IFI16: variants seen among roughly 807,000 people sequenced by gnomAD.
IFI16 encodes the protein interferon gamma inducible protein 16, also known as gamma-interferon-inducible protein 16.
In IFI16, 49 loss-of-function variants were observed where a neutral mutation model predicts 68.4. That is an observed-to-expected ratio of 0.72 (90% CI 0.57 to 0.91). The LOEUF is 0.91. Ranked by LOEUF, IFI16 falls within the 40% of genes least tolerant of loss-of-function variation. The pLI, the probability that IFI16 is intolerant of heterozygous loss-of-function variation, is 0.00. For missense variants in IFI16, 878 were observed against 942.9 expected (o/e 0.93, Z 0.90); for synonymous variants, 307 against 315.0 (o/e 0.97, Z 0.27).
At chr1:159,052,185 TACTC>T (rs1323742911) in intron 10 of IFI16, 87 bp downstream of exon 10, 2 of 1,042,882 alleles carry the variant, frequency 1.9e-6, no homozygotes, top group African/African-American at 3.2e-5. Flanking sequence ...TTGGTCAACT[TACTC>T]AACACAGAAA....
chr1:159,013,083 A>G (rs1203270262), intron 1 of IFI16, among the ~76,000 whole-genome samples: 3 of 150,428 alleles, frequency 2.0e-5, no homozygotes, highest in Non-Finnish European at 4.4e-5. Flanking sequence ...TTTCACTATA[A>G]TGTGTTTTTG....
intron 1 of IFI16, among the ~76,000 whole-genome samples, chr1:159,013,232 G>A (rs12728586): frequency 0.11 from 13,946 of 126,554 alleles, 753 homozygotes; most frequent in Middle Eastern, 0.2. Flanking sequence ...GTAGTGGCAC[G>A]ATCTCCGCTC....
chr1:159,025,163 C>T (rs761849547), intron 6 of IFI16, among the ~76,000 whole-genome samples: 1 of 152,144 alleles, frequency 6.6e-6, no homozygotes, highest in Non-Finnish European at 1.5e-5. Flanking sequence ...GGGCTTGAAG[C>T]CCCATGGTGA....
At chr1:159,050,179 G>T (rs961971305) in intron 9 of IFI16, among the ~76,000 whole-genome samples, 6 of 152,050 alleles carry the variant, frequency 3.9e-5, no homozygotes, top group African/African-American at 1.4e-4. Context: ...ATCGTGAACT[G>T]CCATGCAATC....
intron 1 of IFI16, among the ~76,000 whole-genome samples, chr1:159,010,915 G>A (rs970507500): frequency 6.6e-6 from 1 of 152,006 alleles, no homozygotes; most frequent in Admixed American, 6.6e-5. Flanking sequence ...TCTATAGCCT[G>A]GTACAATATT....
chr1:159,021,645 A>C (rs989567152), intron 6 of IFI16, among the ~76,000 whole-genome samples: 1 of 151,832 alleles, frequency 6.6e-6, no homozygotes, highest in African/African-American at 2.4e-5. Context: ...ATCAAATGGT[A>C]GATCTGCTTT....
intron 6 of IFI16, among the ~76,000 whole-genome samples, chr1:159,031,495 G>A (rs1220316737): frequency 6.6e-6 from 1 of 152,194 alleles, no homozygotes; most frequent in Non-Finnish European, 1.5e-5. Flanking sequence ...GGGACTGAGA[G>A]AGCCCATAGG....
chr1:159,052,878 C>T (rs1372472620), intron 10 of IFI16: 1 of 152,124 alleles, frequency 6.6e-6, no homozygotes, highest in Non-Finnish European at 1.5e-5. Flanking sequence ...CTGTTTCATA[C>T]TCCATTATAC....
At chr1:159,047,059 C>T (rs1347982005) in intron 8 of IFI16, among the ~76,000 whole-genome samples, 1 of 150,040 alleles carries the variant, frequency 6.7e-6, no homozygotes, top group Non-Finnish European at 1.5e-5. Flanking sequence ...ACACCCAAGA[C>T]GAATGGGCAG....
upstream of IFI16, among the ~76,000 whole-genome samples, chr1:159,003,329 T>C (rs141398042): frequency 4.6e-4 from 70 of 152,384 alleles, no homozygotes; most frequent in South Asian, 3.1e-3. Context: ...TCCAGTTATC[T>C]ATTTAGACAA....
At chr1:159,017,085 C>T (rs926455280) in intron 4 of IFI16, among the ~76,000 whole-genome samples, 2 of 152,180 alleles carry the variant, frequency 1.3e-5, no homozygotes, top group Non-Finnish European at 2.9e-5. Context: ...AGCTCTTTTT[C>T]TTGTAGATTA....
In IFI16 at chr1:159,000,134, C is replaced by G. The variant is rs189129420; in HGVS notation, c.-441C>G. ...CTTCTGAAAAATACGGTCTTCCTCA[C>G]TGCAGACACCATGCCAGCGTTTTAA... On this transcript the variant is annotated 5_prime_UTR_variant, in exon 1 of 3. Transcript: ENST00000566111. 1.9e-3 allele frequency: 341 copies of G among 175,204 alleles called. 2 individuals are homozygous for G. The highest frequency in any genetic ancestry group is 7.8e-3 in the African/African-American group (329 of 42,046). The allele number at this position is 175,204 out of a possible 1,614,324, so 10.9% of individuals were successfully genotyped here. A position where few individuals can be genotyped will look rare whatever the true frequency, so the allele number is the denominator to read the frequency against.
Position 159,051,979 on chromosome 1 carries a change from G to A in IFI16, c.1966G>A (p.Asp656Asn), listed in dbSNP as rs776062799. The change falls in exon 10 of 12, where the codon GAC becomes AAC. Residue 656 changes from aspartate (D) to asparagine (N), a missense_variant. Asp to Asn is a conservative substitution (Grantham distance 23, BLOSUM62 1). This residue lies in a region of IFI16 where 311 missense variants were observed against 305.1 expected (regional missense o/e 1.02). Coordinates refer to ENST00000295809, the MANE Select transcript of IFI16 (RefSeq NM_001376587.1). Reference protein sequence around the residue: ...PFTLVADVNADRNMEIPKGLI... With the variant: ...PFTLVADVNANRNMEIPKGLI... ...CACACTTGTGGCTGATGTGAATGCTGACCGAAACATGGAGATCCCAAAAGG... is the reference window on the plus strand; with the variant it reads ...CACACTTGTGGCTGATGTGAATGCTAACCGAAACATGGAGATCCCAAAAGG... 2.5e-6 allele frequency: 4 copies of A among 1,614,074 alleles called. No homozygotes were observed. The South Asian group carries it at 3.3e-5, about 13-fold the overall frequency.
At chr1:159,003,834 G>GT (rs1403707466), upstream of IFI16, among the ~76,000 whole-genome samples, 1 of 151,866 alleles carries the variant, frequency 6.6e-6, no homozygotes, top group Non-Finnish European at 1.5e-5. Context: ...CTAATTTTTT[G>GT]TATTTTTAGT....
At chr1:159,042,943 T>C (rs113873224) in intron 7 of IFI16, among the ~76,000 whole-genome samples, 8 of 152,310 alleles carry the variant, frequency 5.3e-5, no homozygotes, top group South Asian at 4.1e-4. Flanking sequence ...TACTGACCCA[T>C]GGCAACTTGA....
upstream of IFI16, among the ~76,000 whole-genome samples, chr1:159,002,132 A>T (rs1050428135): frequency 6.6e-6 from 1 of 152,224 alleles, no homozygotes; most frequent in Non-Finnish European, 1.5e-5. Flanking sequence ...GCTGGCATTT[A>T]TTATAGTCTC....
chr1:159,050,134 C>T (rs1356028854), intron 9 of IFI16, among the ~76,000 whole-genome samples: 2 of 152,198 alleles, frequency 1.3e-5, no homozygotes, highest in African/African-American at 2.4e-5. Flanking sequence ...ATCACATTCA[C>T]ATATTTTTCC....
chr1:159,003,373 T>C (rs1158060261), upstream of IFI16, among the ~76,000 whole-genome samples: 1 of 152,236 alleles, frequency 6.6e-6, no homozygotes, highest in East Asian at 1.9e-4. Flanking sequence ...TGTCATAATA[T>C]TCTGCAATTA....
Position 159,038,936 on chromosome 1 carries a change from C to A in IFI16, c.1329+6245C>A, listed in dbSNP as rs1347664450. Among the ~76,000 whole-genome samples the A allele has an allele frequency of 2.0e-5, 3 of 152,120 alleles. No homozygotes were observed. In the East Asian group the frequency reaches 5.8e-4, roughly 29 times the overall value. On this transcript the variant is annotated intron_variant, in intron 7 of 11. Coordinates refer to ENST00000295809, the MANE Select transcript of IFI16 (RefSeq NM_001376587.1). ...AGGGAGGATCAGTATGCCCAAACAG[C>A]CAACACGTGAGTTTCCTGGAACCTG...
Sources: gnomAD v4.1 joint callset for allele counts (sites outside exome capture counted in the v4.1 genomes callset) on GRCh38, gnomAD v4.1.1 for gene constraint, gnomAD v4.1.1 regional missense constraint, MANE v1.5 for transcripts, NCBI Gene and HGNC (gene_info 2026-07-23, HGNC 2026-07-21) for gene names.